Variants in DNAH17 observed in about 807,000 individuals in gnomAD.
The protein encoded by DNAH17 is axonemal beta dynein heavy chain 17.
Under a neutral mutation model 485.6 loss-of-function variants are expected in DNAH17, and 376 were observed. That is an observed-to-expected ratio of 0.77 (90% CI 0.71 to 0.84). DNAH17 has a LOEUF of 0.84. DNAH17 is among the 40% of genes least tolerant of loss of function. The pLI, the probability that DNAH17 is intolerant of heterozygous loss-of-function variation, is 0.00. For synonymous variants in DNAH17, 3,031 were observed against 2,405.9 expected, an observed-to-expected ratio of 1.26 and a Z score of -7.60; for missense variants, 6,370 against 5,839.3, an observed-to-expected ratio of 1.09 and a Z score of -2.96.
At chr17:78,444,260 G>T (rs150521333) in intron 71 of DNAH17, among the ~76,000 whole-genome samples, 1 of 152,156 alleles carries the variant, frequency 6.6e-6, no homozygotes, top group Non-Finnish European at 1.5e-5. Context: ...GGAGGCTCAT[G>T]TGGGGAGTCT....
In DNAH17 at chr17:78,501,826, G is replaced by A. The variant is rs375040214; in HGVS notation, c.5238C>T (p.Asn1746=). 9.0e-5 allele frequency: 146 copies of A among 1,613,998 alleles called. 2 individuals carry two copies. The African/African-American group carries it at 1.0e-3, about 11-fold the overall frequency. The change falls in exon 34 of 81, where the codon AAC becomes AAT. Residue 1746 remains asparagine (N), a synonymous_variant. Transcript: ENST00000389840. ...VLITLLMGNL[N]AGDRMKIMTI... ...TCATGATCTTCATCCTGTCGCCAGC[G>A]TTGAGGTTCCCCATGAGCAGCGTGA...
chr17:78,522,978 T>A (rs987132212), intron 25 of DNAH17: 2 of 155,012 alleles, frequency 1.3e-5, no homozygotes, highest in African/African-American at 4.8e-5. Context: ...CTCAGCCTCC[T>A]GAGTAGCTGG....
chr17:78,439,237 GAAA>G lies in DNAH17; in HGVS notation c.11678-23_11678-21del, dbSNP rs750718680. 59 of 1,589,456 alleles carry G rather than the reference GAAA, an allele frequency of 3.7e-5. No homozygotes were observed. Among genetic ancestry groups the G allele is most frequent in the Non-Finnish European group, 5.0e-5 (58 of 1,169,012 alleles). ...TTTTTCCTAAAGAAAAGAAAAACAGGAAAAAAACACCACGTAATTAAATGACAC... is the reference window on the plus strand; with the variant it reads ...TTTTTCCTAAAGAAAAGAAAAACAGGAAAACACCACGTAATTAAATGACAC... On this transcript the variant is annotated intron_variant, in intron 72 of 80. Coordinates refer to ENST00000389840, the MANE Select transcript of DNAH17 (RefSeq NM_173628.4).
Position 78,560,836 on chromosome 17 carries a change from C to A in DNAH17, c.1935G>T (p.Val645=). Residue 645 remains valine (V), a synonymous_variant, in exon 13 of 81, where the codon GTG becomes GTT. Coordinates refer to ENST00000389840, the MANE Select transcript of DNAH17 (RefSeq NM_173628.4). Reference sequence around the variant, plus strand: ...AGTGGCAGTCCTGGTCCACGCCCGCCACCCACTGCTGGTAGATCTTCTCGC... The same window carrying A: ...AGTGGCAGTCCTGGTCCACGCCCGCAACCCACTGCTGGTAGATCTTCTCGC... ...CHREKIYQQW[V]AGVDQDCHFN... is the part of the protein sequence containing the mutation. The A allele has an allele frequency of 6.4e-7, 1 of 1,551,878 alleles. No homozygotes were observed. Among genetic ancestry groups the A allele is most frequent in the Non-Finnish European group, 8.7e-7 (1 of 1,147,138 alleles).
At chr17:78,477,993 C>CCACCAT (rs2146606018) in intron 51 of DNAH17, among the ~76,000 whole-genome samples, 2 of 132,680 alleles carry the variant, frequency 1.5e-5, no homozygotes, top group African/African-American at 7.5e-5. Flanking sequence ...ACCACCATCA[C>CCACCAT]CACCACCATC....
chr17:78,494,468 G>T lies in DNAH17; in HGVS notation c.6270+125C>A, dbSNP rs1476670086. 7 of 1,145,780 alleles carry T rather than the reference G, an allele frequency of 6.1e-6. No individual in the cohort carries two copies. The East Asian group carries it at 1.5e-4, about 24-fold the overall frequency. The allele number at this position is 1,145,780 out of a possible 1,614,324, so 71.0% of individuals were successfully genotyped here. ...GCCACGGAGGCAGCTGTGGCTCAGAGGTCTCTTTGTAGCATCGGGAAACGT... is the reference window on the plus strand; with the variant it reads ...GCCACGGAGGCAGCTGTGGCTCAGATGTCTCTTTGTAGCATCGGGAAACGT... On this transcript the variant is annotated intron_variant, in intron 40 of 80. Transcript: ENST00000389840.
At chr17:78,450,459 C>T (rs2087498677) in intron 67 of DNAH17, 65 bp from the exon 68 acceptor site, 2 of 1,587,110 alleles carry the variant, frequency 1.3e-6, no homozygotes, top group Non-Finnish European at 1.7e-6. Flanking sequence ...CAGGTGGGCT[C>T]ATTCCCAGCC....
intron 12 of DNAH17, among the ~76,000 whole-genome samples, chr17:78,561,220 C>G (rs1265342315): frequency 2.6e-5 from 4 of 152,122 alleles, no homozygotes; most frequent in African/African-American, 9.7e-5. Context: ...CCCTCTCCAA[C>G]TTTCCTTCTC....
At chr17:78,519,192 A>AAAAAAAAAAAAAAAT (rs1568188789) in intron 25 of DNAH17, among the ~76,000 whole-genome samples, 2 of 147,236 alleles carry the variant, frequency 1.4e-5, no homozygotes, top group African/African-American at 5.1e-5. Context: ...AAAAAAAAAA[A>AAAAAAAAAAAAAAAT]AGAAATGTAA....
intron 48 of DNAH17, among the ~76,000 whole-genome samples, chr17:78,482,214 G>A (rs1023449261): frequency 1.3e-5 from 2 of 151,556 alleles, no homozygotes; most frequent in Non-Finnish European, 2.9e-5. Flanking sequence ...TACCATGCCC[G>A]GCTAAGTTTT....
chr17:78,449,758 C>A, intron 68 of DNAH17, 174 bp from the exon 69 acceptor site: 1 of 617,092 alleles, frequency 1.6e-6, no homozygotes, highest in Non-Finnish European at 2.8e-6. Context: ...GCTCACTGCA[C>A]CCTCTGCAGT....
chr17:78,479,918 T>C, intron 49 of DNAH17, among the ~76,000 whole-genome samples: 1 of 151,886 alleles, frequency 6.6e-6, no homozygotes, highest in Non-Finnish European at 1.5e-5. Flanking sequence ...TCTCTGTGTG[T>C]TTAGATAACT....
intron 14 of DNAH17, 130 bp downstream of exon 14, chr17:78,557,978 G>T: frequency 8.5e-7 from 1 of 1,176,932 alleles, no homozygotes; most frequent in Non-Finnish European, 1.2e-6. Flanking sequence ...GCAGTGAATG[G>T]AAGAATGAAT....
At chr17:78,522,368 TAGAGGA>T (rs1018173771) in intron 25 of DNAH17, 8 of 282,658 alleles carry the variant, frequency 2.8e-5, no homozygotes, top group East Asian at 2.7e-4. Context: ...ATTAAAATGC[TAGAGGA>T]AGAGGAAGAG....
In DNAH17 at chr17:78,529,647, G is replaced by A. The variant is rs764553530; in HGVS notation, c.3332C>T (p.Thr1111Ile). Residue 1111 changes from threonine (T) to isoleucine (I), a missense_variant, in exon 22 of 81, where the codon ACC becomes ATC. Transcript: ENST00000389840. ...AFMKVARMGLTKPLKEGDYDG... is the reference protein window; with the variant it reads ...AFMKVARMGLIKPLKEGDYDG... ...ATAGTCCCCCTCCTTGAGGGGCTTG[G>A]TCAAGCCCATTCTGGCGACTTTCAT... 2 of 1,613,928 alleles carry A rather than the reference G, an allele frequency of 1.2e-6. No homozygotes were observed. Among genetic ancestry groups the A allele is most frequent in the South Asian group, 1.1e-5 (1 of 91,076 alleles).
intron 72 of DNAH17, 74 bp from the exon 73 acceptor site, chr17:78,439,291 C>G: frequency 6.7e-7 from 1 of 1,487,272 alleles, no homozygotes; most frequent in Non-Finnish European, 9.0e-7. Flanking sequence ...GATCTACAGC[C>G]AGGAATTCCA....
rs140378962 is a variant in DNAH17, at chr17:78,425,454, A to G, written c.13033T>C (p.Trp4345Arg). Residue 4345 changes from tryptophan (W) to arginine (R), a missense_variant, in exon 80 of 81, where the codon TGG (tryptophan) becomes CGG (arginine). Physicochemically the swap from Trp to Arg is moderately radical, Grantham distance 101. Transcript: ENST00000389840. Reference sequence around the variant, plus strand: ...GACAGACACATCTTGTCCAGGGGCCACTCGTTCTTCCTGGCCATGGACTGC... The same window carrying G: ...GACAGACACATCTTGTCCAGGGGCCGCTCGTTCTTCCTGGCCATGGACTGC... ...IMQSMARKNEWPLDKMCLSVE... is the reference protein window; with the variant it reads ...IMQSMARKNERPLDKMCLSVE... 5.9e-4 allele frequency: 947 copies of G among 1,613,956 alleles called. 5 individuals carry two copies. In the African/African-American group the frequency reaches 0.011, roughly 19 times the overall value.
rs773057096 is a variant in DNAH17, at chr17:78,507,252, C to G, written c.4676+26G>C. 4 of 1,612,640 alleles carry G rather than the reference C, an allele frequency of 2.5e-6. No homozygotes were observed. In the East Asian group the frequency reaches 6.7e-5, roughly 27 times the overall value. ...TAGGGAATCTGCACCACTGACTCCC[C>G]TGGTCTGGATAGGTGTGAGCCGCAC... On this transcript the variant is annotated intron_variant, in intron 29 of 80. Transcript: ENST00000389840.
At position 78,459,788 on chromosome 17, in the gene DNAH17, A is replaced by G. The variant is rs1183419454; in HGVS notation, c.9649T>C (p.Phe3217Leu). ...EHIPEACLKA[F>L]KPYQGNPTFD... ...CGAGGCCCAGCCCCGACTCACTTGA[A>G]GGCCTTCAGGCAGGCCTCAGGGATG... The change falls in exon 60 of 81, where the codon TTC becomes CTC. Residue 3217 changes from phenylalanine to leucine, a missense_variant. Phe to Leu is a conservative substitution (Grantham distance 22, BLOSUM62 0). Coordinates refer to ENST00000389840, the MANE Select transcript of DNAH17 (RefSeq NM_173628.4). 6.2e-7 allele frequency: 1 copy of G among 1,613,882 alleles called. No individual in the cohort carries two copies. The highest frequency in any genetic ancestry group is 8.5e-7 in the Non-Finnish European group (1 of 1,179,878).
Sources: gnomAD v4.1 joint callset for allele counts (sites outside exome capture counted in the v4.1 genomes callset) on GRCh38, gnomAD v4.1.1 for gene constraint, MANE v1.5 for transcripts, NCBI Gene and HGNC (gene_info 2026-07-23, HGNC 2026-07-21) for gene names.